KDM6A: variants seen among roughly 807,000 people sequenced by gnomAD.
The protein encoded by KDM6A is lysine-specific demethylase 6A.
A neutral mutation model predicts 117.6 loss-of-function variants in KDM6A; 11 were observed. The ratio of observed to expected loss-of-function variants is 0.09; its 90% CI spans 0.06 to 0.15. The LOEUF (loss-of-function observed/expected upper bound fraction) is 0.15, where lower values mean the gene tolerates loss of function less well. KDM6A is among the 10% of genes least tolerant of loss of function. The probability of loss-of-function intolerance (pLI) is 1.00; values close to 1 mark genes in which losing one functional copy is unlikely to be tolerated. For synonymous variants in KDM6A, 384 were observed against 396.1 expected, an observed-to-expected ratio of 0.97 and a Z score of 0.36; for missense variants, 799 against 1,077.3, an observed-to-expected ratio of 0.74 and a Z score of 3.62.
At chrX:44,956,187 G>A (rs2038313130) in intron 2 of KDM6A, among the ~76,000 whole-genome samples, 1 of 111,631 alleles carries the variant, frequency 9.0e-6, no homozygotes, top group Admixed American at 9.6e-5. Flanking sequence ...TCATATGACA[G>A]TTTCCACATC....
At position 45,056,134 on chromosome X, in the gene KDM6A, T is replaced by C. The variant is rs747826965; in HGVS notation, c.875+2179T>C. Among the ~76,000 whole-genome samples, 105 of 111,684 alleles carry C rather than the reference T, an allele frequency of 9.4e-4. 1 individual carries two copies. Among genetic ancestry groups the C allele is most frequent in the Admixed American group, 3.3e-3 (35 of 10,521 alleles). On this transcript the variant is annotated intron_variant, in intron 10 of 29. Coordinates refer to ENST00000611820, the MANE Select transcript of KDM6A (RefSeq NM_001291415.2). ...TTCCTGACTAAATAAAGGATACTTA[T>C]CACAATTTAACTTGGTTTCGGGTTC...
intron 6 of KDM6A, among the ~76,000 whole-genome samples, chrX:45,021,227 C>A (rs986816700): frequency 9.0e-6 from 1 of 111,573 alleles, no homozygotes; most frequent in Non-Finnish European, 1.9e-5. Context: ...TGAGCATAAA[C>A]GTTGTGGGAA....
intron 2 of KDM6A, among the ~76,000 whole-genome samples, chrX:44,943,195 T>G (rs748896823): frequency 1.5e-4 from 17 of 111,676 alleles, no homozygotes; most frequent in Non-Finnish European, 3.0e-4. Context: ...CATACCACCG[T>G]AAGAAAGCAA....
At chrX:44,888,350 G>A (rs1387122405) in intron 2 of KDM6A, among the ~76,000 whole-genome samples, 1 of 111,999 alleles carries the variant, frequency 8.9e-6, no homozygotes, top group Non-Finnish European at 1.9e-5. Flanking sequence ...GACCTGCTGT[G>A]TATTTCAATC....
At chrX:45,086,905 T>A (rs2045662777) in intron 25 of KDM6A, among the ~76,000 whole-genome samples, 1 of 112,470 alleles carries the variant, frequency 8.9e-6, no homozygotes, top group Non-Finnish European at 1.9e-5. Context: ...CCCACCCCAA[T>A]TAAAGGGGGA....
In KDM6A at chrX:45,006,163, G is replaced by GCC. The variant is rs746542278; in HGVS notation, c.385-4790_385-4789dup. 4.0e-3 allele frequency among the ~76,000 whole-genome samples: 293 copies of GCC among 72,724 alleles called. 5 individuals carry two copies. The highest frequency in any genetic ancestry group is 0.014 in the African/African-American group (251 of 18,062). The allele number at this position is 72,724 out of a possible 115,157, so 63.2% of individuals were successfully genotyped here. On this transcript the variant is annotated intron_variant, in intron 4 of 29. Coordinates refer to ENST00000611820, the MANE Select transcript of KDM6A (RefSeq NM_001291415.2). ...ACTGGCCAGTCCCCCCCAGCCCTGC[G>GCC]CCCCCCCCCGCCGCCATGTTGCCAA...
chrX:44,980,072 C>G (rs2039820636), intron 4 of KDM6A, among the ~76,000 whole-genome samples: 1 of 103,963 alleles, frequency 9.6e-6, no homozygotes, highest in Non-Finnish European at 1.9e-5. Flanking sequence ...TCTTGGCTCA[C>G]TGCAACCTTC....
At chrX:44,873,866 G>T in intron 1 of KDM6A, 58 bp from the exon 2 acceptor site, 1 of 1,176,437 alleles carries the variant, frequency 8.5e-7, no homozygotes, top group Non-Finnish European at 1.2e-6. Context: ...GGCTCGGGCA[G>T]GGACGGGTCG....
Position 45,079,534 on chromosome X carries a change from T to C in KDM6A, c.3300+183T>C, listed in dbSNP as rs780513847. Among the ~76,000 whole-genome samples the C allele has an allele frequency of 6.2e-3, 688 of 111,169 alleles. 4 individuals carry two copies. The highest frequency in any genetic ancestry group is 0.021 in the African/African-American group (654 of 30,499). ...GTATGTATGTATGTATGTATGTATGTATGTATGTACGTACGTATGTGTATT... is the reference window on the plus strand; with the variant it reads ...GTATGTATGTATGTATGTATGTATGCATGTATGTACGTACGTATGTGTATT... On this transcript the variant is annotated intron_variant, in intron 21 of 29. Coordinates refer to ENST00000611820, the MANE Select transcript of KDM6A (RefSeq NM_001291415.2).
intron 4 of KDM6A, among the ~76,000 whole-genome samples, chrX:44,980,815 C>T (rs931663639): frequency 9.3e-6 from 1 of 108,025 alleles, no homozygotes; most frequent in East Asian, 2.9e-4. Flanking sequence ...GTTCAACTGG[C>T]TAGGACCTCC....
At chrX:45,054,815 A>G (rs2044002818) in intron 10 of KDM6A, among the ~76,000 whole-genome samples, 1 of 111,833 alleles carries the variant, frequency 8.9e-6, no homozygotes, top group Admixed American at 9.5e-5. Context: ...TATTTAGAGA[A>G]TTGTATTAGA....
chrX:44,893,350 T>C (rs1362236318), intron 2 of KDM6A, among the ~76,000 whole-genome samples: 5 of 111,623 alleles, frequency 4.5e-5, no homozygotes, highest in Non-Finnish European at 9.4e-5. Context: ...TCCATGAACA[T>C]TTGTTAAGTT....
intron 2 of KDM6A, among the ~76,000 whole-genome samples, chrX:44,924,374 A>G (rs778781041): frequency 9.0e-6 from 1 of 111,703 alleles, no homozygotes; most frequent in Non-Finnish European, 1.9e-5. Context: ...ATTTCATTTT[A>G]AGTATTTTTG....
At chrX:44,943,182 T>A (rs1198483431) in intron 2 of KDM6A, among the ~76,000 whole-genome samples, 4 of 111,436 alleles carry the variant, frequency 3.6e-5, no homozygotes, top group African/African-American at 1.3e-4. Flanking sequence ...TTTGGTTTGG[T>A]TCCATACCAC....
intron 2 of KDM6A, among the ~76,000 whole-genome samples, chrX:44,876,899 G>A (rs12391718): frequency 9.1e-6 from 1 of 110,181 alleles, no homozygotes; most frequent in Non-Finnish European, 1.9e-5. Context: ...ATATACACAC[G>A]TATACATATA....
Position 44,982,634 on chromosome X carries a change from C to T in KDM6A, c.384+7919C>T, listed in dbSNP as rs1209690329. ...AATTCTTATCCTTAAAACAGTTTCA[C>T]TAAAAAGTTCTAAATAATACTGTTT... On this transcript the variant is annotated intron_variant, in intron 4 of 29. Coordinates refer to ENST00000611820, the MANE Select transcript of KDM6A (RefSeq NM_001291415.2). Among the ~76,000 whole-genome samples, 4 of 111,848 alleles carry T rather than the reference C, an allele frequency of 3.6e-5. No homozygotes were observed. The South Asian group carries it at 1.1e-3, about 31-fold the overall frequency.
intron 6 of KDM6A, among the ~76,000 whole-genome samples, chrX:45,021,274 A>G (rs777787745): frequency 1.7e-4 from 19 of 111,938 alleles, no homozygotes; most frequent in Non-Finnish European, 3.0e-4. Flanking sequence ...GTATCCATGG[A>G]AATGTGATAT....
At chrX:44,944,572 T>C (rs1476819980) in intron 2 of KDM6A, among the ~76,000 whole-genome samples, 7 of 111,252 alleles carry the variant, frequency 6.3e-5, no homozygotes, top group Admixed American at 5.8e-4. Context: ...TCTGCGCTTA[T>C]TTAGGACTAT....
At chrX:44,921,282 T>C (rs1247072033) in intron 2 of KDM6A, among the ~76,000 whole-genome samples, 1 of 112,121 alleles carries the variant, frequency 8.9e-6, no homozygotes, top group African/African-American at 3.2e-5. Context: ...TACCCAACTT[T>C]CCCCAATGTT....
Sources: allele counts gnomAD v4.1 joint callset (sites outside exome capture counted in the v4.1 genomes callset), GRCh38; gene constraint gnomAD v4.1.1; transcripts MANE v1.5; gene names NCBI Gene and HGNC (gene_info 2026-07-23, HGNC 2026-07-21).